LIMD1: variants seen among roughly 807,000 people sequenced by gnomAD.
LIMD1 encodes the protein LIM domain containing 1.
LIMD1 carries 23 observed loss-of-function variants against 58.4 expected under a neutral mutation model. That is an observed-to-expected ratio of 0.39 (90% CI 0.28 to 0.56). The LOEUF (loss-of-function observed/expected upper bound fraction) is 0.56, where lower values mean the gene tolerates loss of function less well. Ranked by LOEUF, LIMD1 falls within the 20% of genes least tolerant of loss-of-function variation. The pLI, the probability that LIMD1 is intolerant of heterozygous loss-of-function variation, is 0.57. For missense variants in LIMD1, 838 were observed against 855.5 expected, an observed-to-expected ratio of 0.98 and a Z score of 0.25; for synonymous variants, 334 against 345.5, an observed-to-expected ratio of 0.97 and a Z score of 0.37.
intron 1 of LIMD1, among the ~76,000 whole-genome samples, chr3:45,608,839 CAAA>C (rs60750700): frequency 8.7e-5 from 9 of 102,956 alleles, no homozygotes; most frequent in Non-Finnish European, 1.3e-4. Flanking sequence ...GACTCGGTAT[CAAA>C]AAAAAAAAAA....
intron 2 of LIMD1, among the ~76,000 whole-genome samples, chr3:45,639,397 C>G (rs957618660): frequency 6.6e-6 from 1 of 152,208 alleles, no homozygotes; most frequent in Admixed American, 6.5e-5. Context: ...TCTGTTTGGA[C>G]TGTTATAACA....
intron 2 of LIMD1, among the ~76,000 whole-genome samples, chr3:45,659,442 G>A (rs919643576): frequency 1.3e-5 from 2 of 152,058 alleles, no homozygotes; most frequent in African/African-American, 4.8e-5. Context: ...ACAAAAATTA[G>A]GCAGTTGTGG....
intron 2 of LIMD1, among the ~76,000 whole-genome samples, chr3:45,659,887 T>C (rs1046029375): frequency 6.6e-6 from 1 of 152,188 alleles, no homozygotes; most frequent in Non-Finnish European, 1.5e-5. Context: ...CTCTCAGCAG[T>C]AGCTTATGAA....
rs993793634 is a variant in LIMD1 at position 45,677,972 on chromosome 3, C to T, written c.*913C>T. 6.6e-6 allele frequency: 1 copy of T among 152,114 alleles called. No individual in the cohort carries two copies. Among genetic ancestry groups the T allele is most frequent in the Non-Finnish European group, 1.5e-5 (1 of 68,016 alleles). 9.4% of individuals were successfully genotyped at this position (152,114 alleles called of 1,614,324 possible). ...TGTTTTTAGCTTATTTAATGACGGG[C>T]TTTTGGGAAGAGCTGCCCGCATACT... On this transcript the variant is annotated 3_prime_UTR_variant, in exon 8 of 8. Coordinates refer to ENST00000273317, the MANE Select transcript of LIMD1 (RefSeq NM_014240.3).
rs1164469427 is a variant in LIMD1 at position 45,596,240 on chromosome 3, A to G, written c.1361A>G (p.Gln454Arg). Residue 454 changes from glutamine to arginine, a missense_variant, in exon 1 of 8, where the codon CAA becomes CGA. By Grantham distance (43) the Gln-to-Arg change is conservative. This residue lies in a region of LIMD1 where 659 missense variants were observed against 639.8 expected (regional missense o/e 1.03). Transcript: ENST00000273317. ...AAELKLEALTQRLEREMDAHP... is the reference protein window; with the variant it reads ...AAELKLEALTRRLEREMDAHP... ...GAGTTGAAATTAGAAGCCCTCACCC[A>G]ACGTCTGGAGCGAGAGATGGATGCT... is the stretch of plus-strand genomic sequence containing the variant. 8 of 1,612,124 alleles carry G rather than the reference A, an allele frequency of 5.0e-6. No individual in the cohort carries two copies. Among genetic ancestry groups the G allele is most frequent in the Non-Finnish European group, 6.8e-6 (8 of 1,179,484 alleles).
chr3:45,635,246 G>A (rs1440974420), intron 1 of LIMD1, among the ~76,000 whole-genome samples: 1 of 151,808 alleles, frequency 6.6e-6, no homozygotes, highest in Non-Finnish European at 1.5e-5. Flanking sequence ...TCAAAAAAAA[G>A]TTCTCTCTCT....
chr3:45,599,587 T>C (rs1701391235), intron 1 of LIMD1, among the ~76,000 whole-genome samples: 1 of 152,230 alleles, frequency 6.6e-6, no homozygotes, highest in African/African-American at 2.4e-5. Flanking sequence ...GCACAGCGTC[T>C]TGGCAGTGGC....
In LIMD1 at chr3:45,594,778, AACACACACACACACACACACAC is replaced by A. The variant is rs57091993; in HGVS notation, c.-57_-36del. The A allele has an allele frequency of 0.06, 44,068 of 728,718 alleles. 1,272 individuals carry two copies. The highest frequency in any genetic ancestry group is 0.12 in the Admixed American group (4,200 of 34,636). 45.1% of individuals were successfully genotyped at this position (728,718 alleles called of 1,614,324 possible). A position where few individuals can be genotyped will look rare whatever the true frequency, so the allele number is the denominator to read the frequency against. ...TCGCCAGCATCTCCCCGCTGCCCTCAACACACACACACACACACACACACACACACACACACACACACACACA... is the reference window on the plus strand; with the variant it reads ...TCGCCAGCATCTCCCCGCTGCCCTCAACACACACACACACACACACACACA... On this transcript the variant is annotated 5_prime_UTR_variant, in exon 1 of 8. Coordinates refer to ENST00000273317, the MANE Select transcript of LIMD1 (RefSeq NM_014240.3).
intron 2 of LIMD1, among the ~76,000 whole-genome samples, chr3:45,650,584 G>A (rs189715725): frequency 0.042 from 6,273 of 147,886 alleles, 161 homozygotes; most frequent in Middle Eastern, 0.083. Context: ...GAGAACATGC[G>A]GTATTTGGTT....
chr3:45,613,079 C>G (rs1701541826), intron 1 of LIMD1: 1 of 152,050 alleles, frequency 6.6e-6, no homozygotes, highest in African/African-American at 2.4e-5. Flanking sequence ...TTCAAATGGC[C>G]CCCAGGCACA....
intron 1 of LIMD1, among the ~76,000 whole-genome samples, chr3:45,630,298 G>A (rs1442944913): frequency 6.6e-6 from 1 of 152,218 alleles, no homozygotes; most frequent in African/African-American, 2.4e-5. Flanking sequence ...GAATGTACAG[G>A]TGAGATTGGG....
intron 2 of LIMD1, among the ~76,000 whole-genome samples, chr3:45,642,767 C>A (rs1047752813): frequency 2.6e-5 from 4 of 152,170 alleles, no homozygotes; most frequent in Non-Finnish European, 4.4e-5. Flanking sequence ...ATCTTTCTTT[C>A]CTTCTGTGGG....
At chr3:45,627,137 T>G (rs1320824232) in intron 1 of LIMD1, among the ~76,000 whole-genome samples, 1 of 152,048 alleles carries the variant, frequency 6.6e-6, no homozygotes, top group Non-Finnish European at 1.5e-5. Context: ...CATTTCTCTG[T>G]GCGTAGGGGT....
In LIMD1 at chr3:45,594,783, A is replaced by C. The variant is rs1575337439; in HGVS notation, c.-97A>C. ...AGCATCTCCCCGCTGCCCTCAACAC[A>C]CACACACACACACACACACACACAC... On this transcript the variant is annotated 5_prime_UTR_variant, in exon 1 of 8. Coordinates refer to ENST00000273317, the MANE Select transcript of LIMD1 (RefSeq NM_014240.3). 1 of 45,746 alleles carries C rather than the reference A, an allele frequency of 2.2e-5. No individual in the cohort carries two copies. Among genetic ancestry groups the C allele is most frequent in the Admixed American group, 5.1e-4 (1 of 1,970 alleles). The allele number at this position is 45,746 out of a possible 1,614,324, so 2.8% of individuals were successfully genotyped here. A position where few individuals can be genotyped will look rare whatever the true frequency, so the allele number is the denominator to read the frequency against.
At position 45,595,575 on chromosome 3, in the gene LIMD1, C is replaced by G. The variant is rs1701337671; in HGVS notation, c.696C>G (p.Leu232=). 7 of 1,613,996 alleles carry G rather than the reference C, an allele frequency of 4.3e-6. No homozygotes were observed. The highest frequency in any genetic ancestry group is 2.2e-5 in the East Asian group (1 of 44,882). The stretch of plus-strand genomic sequence containing the variant: ...ACCATCCCCTAAATCACCGACAGCT[C>G]TCCCTGAGCTCCAGCAGGTCTTCTG... ...CGDHPLNHRQ[L]SLSSSRSSEG... is the part of the protein sequence containing the mutation. The change falls in exon 1 of 8, where the codon CTC becomes CTG. Residue 232 remains leucine, a synonymous_variant. Coordinates refer to ENST00000273317, the MANE Select transcript of LIMD1 (RefSeq NM_014240.3).
chr3:45,657,879 A>G (rs534228211), intron 2 of LIMD1, among the ~76,000 whole-genome samples: 24 of 152,276 alleles, frequency 1.6e-4, no homozygotes, highest in African/African-American at 5.8e-4. Context: ...GCTCCATGAC[A>G]TTGACATGTG....
rs57091993 is a variant in LIMD1 at position 45,594,778 on chromosome 3, AACACACACAC to A, written c.-45_-36del. 5.5e-3 allele frequency: 4,008 copies of A among 730,656 alleles called. 41 individuals carry two copies. Among genetic ancestry groups the A allele is most frequent in the African/African-American group, 0.016 (603 of 37,966 alleles). The allele number at this position is 730,656 out of a possible 1,614,324, so 45.3% of individuals were successfully genotyped here. On this transcript the variant is annotated 5_prime_UTR_variant, in exon 1 of 8. Coordinates refer to ENST00000273317, the MANE Select transcript of LIMD1 (RefSeq NM_014240.3). Reference sequence around the variant, plus strand: ...TCGCCAGCATCTCCCCGCTGCCCTCAACACACACACACACACACACACACACACACACACA... The same window carrying A: ...TCGCCAGCATCTCCCCGCTGCCCTCAACACACACACACACACACACACACA...
Position 45,662,302 on chromosome 3 carries a change from C to T in LIMD1, c.1511-3348C>T, listed in dbSNP as rs943633248. ...GTGTGTGTGTGTGTGTGTGTGTGTG[C>T]GCGTGTAAAACCTACTGGAAGGTAC... On this transcript the variant is annotated intron_variant, in intron 2 of 7. Coordinates refer to ENST00000273317, the MANE Select transcript of LIMD1 (RefSeq NM_014240.3). Among the ~76,000 whole-genome samples the T allele has an allele frequency of 1.4e-4, 17 of 124,772 alleles. No individual in the cohort carries two copies. In the East Asian group the frequency reaches 1.9e-3, roughly 14 times the overall value. The allele number at this position is 124,772 out of a possible 152,430, so 81.9% of individuals were successfully genotyped here.
At chr3:45,672,651 T>A (rs1161835009) in intron 4 of LIMD1, 39 bp from the exon 5 acceptor site, 1 of 1,609,892 alleles carries the variant, frequency 6.2e-7, no homozygotes. Context: ...CATCTCATCC[T>A]TCCCTATAAT....
Sources: allele counts gnomAD v4.1 joint callset (sites outside exome capture counted in the v4.1 genomes callset), GRCh38; gene constraint gnomAD v4.1.1; regional missense constraint gnomAD v4.1.1; transcripts MANE v1.5; gene names NCBI Gene and HGNC (gene_info 2026-07-23, HGNC 2026-07-21).